The following GALNS variants were observed in gnomAD, a reference collection of about 807,000 sequenced individuals.
The protein encoded by GALNS is N-acetylgalactosamine-6-sulfatase.
GALNS carries 65 observed loss-of-function variants against 65.9 expected under a neutral mutation model. That is an observed-to-expected ratio of 0.99 (90% CI 0.81 to 1.21). The LOEUF (loss-of-function observed/expected upper bound fraction) is 1.21, where lower values mean the gene tolerates loss of function less well. Among genes scored for constraint, GALNS ranks in the 50% most tolerant of loss-of-function variants. The pLI is 0.00. For missense variants in GALNS, 776 were observed against 700.7 expected (o/e 1.11, Z -1.21); for synonymous variants, 346 against 288.9 (o/e 1.20, Z -2.00).
At position 88,835,775 on chromosome 16, in the gene GALNS, G is replaced by A. The variant is rs1064315; in HGVS notation, c.708C>T (p.His236=). 414,960 of 1,613,812 alleles carry A rather than the reference G, an allele frequency of 0.26. 56,159 individuals are homozygous for A. The highest frequency in any genetic ancestry group is 0.58 in the East Asian group (25,958 of 44,860). Residue 236 remains histidine, a synonymous_variant, in exon 7 of 14, where the codon CAC becomes CAT. Coordinates refer to ENST00000268695, the MANE Select transcript of GALNS (RefSeq NM_000512.5). The part of the protein sequence containing the change: ...FFLYWAVDAT[H]APVYASKPFL... ...AGGGTTTGGAGGCATAGACGGGTGC[G>A]TGCGTGGCGTCGACAGCCCAGTAGA... is the stretch of plus-strand genomic sequence containing the variant.
At chr16:88,838,470 G>A (rs994930331) in intron 4 of GALNS, 1 of 153,082 alleles carries the variant, frequency 6.5e-6, no homozygotes. Flanking sequence ...GCCATCGCCA[G>A]GCATCACACC....
chr16:88,828,808 G>A (rs984423389), intron 9 of GALNS, among the ~76,000 whole-genome samples: 15 of 152,210 alleles, frequency 9.9e-5, no homozygotes, highest in Non-Finnish European at 5.9e-5. Context: ...CGCTGGGGTG[G>A]CTCCCCTCAC....
intron 3 of GALNS, among the ~76,000 whole-genome samples, chr16:88,841,315 C>T (rs1053823699): frequency 6.6e-6 from 1 of 152,144 alleles, no homozygotes; most frequent in East Asian, 1.9e-4. Context: ...AGGGTGGGGA[C>T]GGGGCAGACT....
At position 88,822,730 on chromosome 16, in the gene GALNS, G is replaced by T; in HGVS notation, c.1243-20C>A. On this transcript the variant is annotated intron_variant, in intron 11 of 13. Transcript: ENST00000268695. ...AATGCCCTGCAATGAGAAGAGGGAA[G>T]GTGTGTCCTGGAGCCCCTGACCTGC... 6.2e-7 allele frequency: 1 copy of T among 1,610,196 alleles called. No homozygotes were observed. The highest frequency in any genetic ancestry group is 8.5e-7 in the Non-Finnish European group (1 of 1,178,390).
intron 13 of GALNS, 107 bp from the exon 14 acceptor site, chr16:88,814,632 C>T: frequency 2.0e-6 from 3 of 1,529,250 alleles, no homozygotes; most frequent in Non-Finnish European, 2.6e-6. Context: ...CTCACTCTGT[C>T]ACCCAGGCTG....
chr16:88,829,570 G>T (rs1381888615), intron 9 of GALNS, among the ~76,000 whole-genome samples: 1 of 152,258 alleles, frequency 6.6e-6, no homozygotes, highest in Non-Finnish European at 1.5e-5. Flanking sequence ...CAGCTGTAGA[G>T]AACAGGCGCC....
chr16:88,855,958 G>C (rs1967828045), intron 1 of GALNS: 1 of 581,480 alleles, frequency 1.7e-6, no homozygotes, highest in South Asian at 2.0e-5. Context: ...TAACCCCCCA[G>C]GTGTGGCAGC....
intron 13 of GALNS, among the ~76,000 whole-genome samples, chr16:88,814,821 G>A (rs557333000): frequency 1.2e-3 from 189 of 152,302 alleles, no homozygotes; most frequent in South Asian, 1.7e-3. Flanking sequence ...GGCTGGTCTT[G>A]AACTCCTGAC....
Position 88,820,948 on chromosome 16 carries a change from G to A in GALNS, c.1364+1641C>T, listed in dbSNP as rs143041288. On this transcript the variant is annotated intron_variant, in intron 12 of 13. Coordinates refer to ENST00000268695, the MANE Select transcript of GALNS (RefSeq NM_000512.5). ...CTGGGACGGCGCTTCCAGCTGGGGG[G>A]GCTGTTGGCTCCTCAGTGACTTCTG... Among the ~76,000 whole-genome samples the A allele has an allele frequency of 5.6e-4, 85 of 152,254 alleles. No homozygotes were observed. In the East Asian group the frequency reaches 0.011, roughly 20 times the overall value.
chr16:88,848,569 C>G (rs56387297), intron 1 of GALNS, among the ~76,000 whole-genome samples: 1 of 103,542 alleles, frequency 9.7e-6, no homozygotes, highest in African/African-American at 5.7e-5. Flanking sequence ...GAGACTCCGT[C>G]TGAAAAAAAA....
chr16:88,824,068 G>A (rs915995152), intron 11 of GALNS, among the ~76,000 whole-genome samples: 1 of 152,146 alleles, frequency 6.6e-6, no homozygotes, highest in Non-Finnish European at 1.5e-5. Flanking sequence ...CCAGTCTTTA[G>A]ACTCTCCATT....
At chr16:88,818,244 C>T (rs1187921043) in intron 12 of GALNS, 120 bp from the exon 13 acceptor site, 2 of 828,026 alleles carry the variant, frequency 2.4e-6, no homozygotes, top group African/African-American at 3.4e-5. Context: ...TGAGCAGTCA[C>T]TGGGACCATG....
intron 1 of GALNS, among the ~76,000 whole-genome samples, chr16:88,847,425 C>A (rs1307964149): frequency 6.6e-6 from 1 of 152,186 alleles, no homozygotes; most frequent in Non-Finnish European, 1.5e-5. Context: ...CCCCATCCAG[C>A]CTCCTCCTGT....
chr16:88,856,114 A>C, intron 1 of GALNS: 1 of 697,468 alleles, frequency 1.4e-6, no homozygotes, highest in East Asian at 2.7e-5. Context: ...TTAGGGAAGG[A>C]GGCCTCCAGG....
intron 1 of GALNS, chr16:88,855,710 T>C (rs1967800892): frequency 3.4e-6 from 2 of 587,836 alleles, no homozygotes; most frequent in Non-Finnish European, 6.0e-6. Context: ...CCAAGTCTTC[T>C]AAATCTGTGT....
At chr16:88,845,852 G>C (rs990791013) in intron 1 of GALNS, among the ~76,000 whole-genome samples, 4 of 151,658 alleles carry the variant, frequency 2.6e-5, no homozygotes, top group Non-Finnish European at 2.9e-5. Context: ...GCCAAGTGTG[G>C]TGGTGTGTAC....
At chr16:88,832,190 A>G in intron 8 of GALNS, 89 bp from the exon 9 acceptor site, 1 of 1,217,090 alleles carries the variant, frequency 8.2e-7, no homozygotes, top group Non-Finnish European at 1.2e-6. Context: ...GAGACTGGTC[A>G]TAGGGACAAA....
At chr16:88,829,265 G>C (rs1300375151) in intron 9 of GALNS, among the ~76,000 whole-genome samples, 1 of 152,182 alleles carries the variant, frequency 6.6e-6, no homozygotes, top group Non-Finnish European at 1.5e-5. Context: ...GAAACCAAAT[G>C]GCCCATCCCT....
intron 2 of GALNS, 27 bp from the exon 3 acceptor site, chr16:88,841,998 C>A: frequency 1.3e-6 from 2 of 1,599,248 alleles, no homozygotes; most frequent in Non-Finnish European, 1.7e-6. Flanking sequence ...GAAACAGAAA[C>A]TGGATAAGAA....
Sources: gnomAD v4.1 joint callset for allele counts (sites outside exome capture counted in the v4.1 genomes callset) on GRCh38, gnomAD v4.1.1 for gene constraint, MANE v1.5 for transcripts, NCBI Gene and HGNC (gene_info 2026-07-23, HGNC 2026-07-21) for gene names.